CD163L1: variants seen among roughly 807,000 people sequenced by gnomAD.
The protein encoded by CD163L1 is scavenger receptor cysteine-rich type 1 protein M160.
In CD163L1, 124 loss-of-function variants were observed where a neutral mutation model predicts 165.4. The ratio of observed to expected loss-of-function variants is 0.75; its 90% CI spans 0.65 to 0.87. CD163L1 has a LOEUF of 0.87. Ranked by LOEUF, CD163L1 falls within the 40% of genes least tolerant of loss-of-function variation. The probability of loss-of-function intolerance (pLI) is 0.00; values close to 1 mark genes in which losing one functional copy is unlikely to be tolerated. For missense variants in CD163L1, 1,525 were observed against 1,799.9 expected (o/e 0.85, Z 2.76); for synonymous variants, 585 against 662.2 (o/e 0.88, Z 1.79).
Position 7,367,295 on chromosome 12 carries a change from A to G in CD163L1, c.4220T>C (p.Leu1407Ser), listed in dbSNP as rs370571541. Residue 1407 changes from leucine (L) to serine (S), a missense_variant, in exon 18 of 20, where the codon TTA becomes TCA. By Grantham distance (145) the Leu-to-Ser change is moderately radical (BLOSUM62 -2). Transcript: ENST00000313599. ...GAGGCAGGTCTCCATCTCATGGAATAAATTCTCCTCGAGAGAACCCCTCCT... is the reference window on the plus strand; with the variant it reads ...GAGGCAGGTCTCCATCTCATGGAATGAATTCTCCTCGAGAGAACCCCTCCT... ...TRRRGSLEEN[L>S]FHEMETCLKR... is the part of the protein sequence containing the mutation. 7 of 1,613,338 alleles carry G rather than the reference A, an allele frequency of 4.3e-6. No individual in the cohort carries two copies. Among genetic ancestry groups the G allele is most frequent in the Non-Finnish European group, 5.9e-6 (7 of 1,179,512 alleles).
chr12:7,433,509 C>T lies in CD163L1; in HGVS notation c.310G>A (p.Val104Met), dbSNP rs747089629. 1.9e-5 allele frequency: 30 copies of T among 1,614,006 alleles called. No homozygotes were observed. In the East Asian group the frequency reaches 2.0e-4, roughly 11 times the overall value. ...AGCCAAATTTTTCCATGTCTAGTCA[C>T]GGCTTGTCCAAAACGAAACATGGCG... Reference protein sequence around the residue: ...SFAMFRFGQAVTRHGKIWLDD... With the variant: ...SFAMFRFGQAMTRHGKIWLDD... The change falls in exon 3 of 20, where the codon GTG (valine) becomes ATG (methionine). Residue 104 changes from valine (V) to methionine (M), a missense_variant. Val to Met is a conservative substitution (Grantham distance 21). Transcript: ENST00000313599.
At chr12:7,399,296 CT>C (rs1947853237) in intron 6 of CD163L1, among the ~76,000 whole-genome samples, 1 of 104,618 alleles carries the variant, frequency 9.6e-6, no homozygotes, top group Non-Finnish European at 1.7e-5. Context: ...CCTTTTCTTT[CT>C]CTCCTTTCTT....
chr12:7,355,198 T>C (rs1403098245), intron 19 of CD163L1, 68 bp from the exon 20 acceptor site: 1 of 152,034 alleles, frequency 6.6e-6, no homozygotes, highest in East Asian at 1.9e-4. Context: ...CTACATGAGG[T>C]TAAAGTTAAG....
At chr12:7,442,100 T>C (rs1165981093) in intron 1 of CD163L1, among the ~76,000 whole-genome samples, 1 of 152,204 alleles carries the variant, frequency 6.6e-6, no homozygotes, top group Non-Finnish European at 1.5e-5. Context: ...GCAGATGGGA[T>C]GATTAATTCA....
At chr12:7,337,132 C>T in the CD163L1 span, among the ~76,000 whole-genome samples, 1 of 152,150 alleles carries the variant, frequency 6.6e-6, no homozygotes, top group Non-Finnish European at 1.5e-5. Flanking sequence ...GAAACAAAAA[C>T]TGGACCCCTT....
chr12:7,433,499 T>C lies in CD163L1; in HGVS notation c.320A>G (p.His107Arg), dbSNP rs775641168. 35 of 1,614,184 alleles carry C rather than the reference T, an allele frequency of 2.2e-5. 1 individual carries two copies. In the South Asian group the frequency reaches 3.8e-4, roughly 18 times the overall value. Residue 107 changes from histidine (H) to arginine (R), a missense_variant, in exon 3 of 20, where the codon CAT (histidine) becomes CGT (arginine). Transcript: ENST00000313599. Reference protein sequence around the residue: ...MFRFGQAVTRHGKIWLDDVSC... With the variant: ...MFRFGQAVTRRGKIWLDDVSC... Reference sequence around the variant, plus strand: ...AACATCATCAAGCCAAATTTTTCCATGTCTAGTCACGGCTTGTCCAAAACG... The same window carrying C: ...AACATCATCAAGCCAAATTTTTCCACGTCTAGTCACGGCTTGTCCAAAACG...
At chr12:7,409,881 T>TA (rs926927907) in intron 4 of CD163L1, among the ~76,000 whole-genome samples, 11 of 151,442 alleles carry the variant, frequency 7.3e-5, no homozygotes, top group Admixed American at 2.6e-4. Context: ...CTCTCAGAAA[T>TA]AAAAAAACTA....
chr12:7,326,221 G>GGCA, the CD163L1 span, among the ~76,000 whole-genome samples: 1 of 151,986 alleles, frequency 6.6e-6, no homozygotes, highest in Non-Finnish European at 1.5e-5. Context: ...TTGTTTTTTT[G>GGCA]AGATGGAGAC....
At chr12:7,371,794 T>C (rs1434832800) in intron 14 of CD163L1, among the ~76,000 whole-genome samples, 2 of 151,948 alleles carry the variant, frequency 1.3e-5, no homozygotes, top group Non-Finnish European at 2.9e-5. Context: ...AAAATATATA[T>C]GCTTTAGCTT....
At chr12:7,328,272 T>C in the CD163L1 span, 1 of 1,564,356 alleles carries the variant, frequency 6.4e-7, no homozygotes, top group East Asian at 2.3e-5. Flanking sequence ...CATCACGTTT[T>C]TTTCTGTCAA....
At chr12:7,431,552 G>A (rs2136629462) in intron 4 of CD163L1, among the ~76,000 whole-genome samples, 1 of 148,414 alleles carries the variant, frequency 6.7e-6, no homozygotes, top group African/African-American at 2.5e-5. Context: ...TCCCCTAGTT[G>A]AACAACGAGA....
chr12:7,362,330 T>C (rs950489403), intron 18 of CD163L1, among the ~76,000 whole-genome samples: 67 of 138,880 alleles, frequency 4.8e-4, no homozygotes, highest in Admixed American at 1.9e-3. Context: ...TTATATAAAA[T>C]AAAATATGAA....
the CD163L1 span, among the ~76,000 whole-genome samples, chr12:7,320,113 A>G: frequency 0.2 from 30,583 of 152,138 alleles, 3,462 homozygotes; most frequent in African/African-American, 0.3. Context: ...ATTAAGGGAC[A>G]TAGTGGAACT....
At chr12:7,367,973 T>C in intron 17 of CD163L1, 114 bp downstream of exon 17, 1 of 684,726 alleles carries the variant, frequency 1.5e-6, no homozygotes. Flanking sequence ...CACTTTCCAA[T>C]CCATCTCACT....
At chr12:7,332,328 G>T in the CD163L1 span, among the ~76,000 whole-genome samples, 22 of 152,140 alleles carry the variant, frequency 1.4e-4, no homozygotes, top group African/African-American at 5.3e-4. Context: ...GAAAGTGACG[G>T]GGAGAATGGA....
intron 4 of CD163L1, among the ~76,000 whole-genome samples, chr12:7,421,157 GTA>G (rs1329938009): frequency 1.7e-4 from 22 of 128,204 alleles, no homozygotes; most frequent in Admixed American, 5.2e-4. Flanking sequence ...GTGTATAAAT[GTA>G]TATATATGTA....
rs201682337 is a variant in CD163L1, at chr12:7,407,828, T to C, written c.767-976A>G. On this transcript the variant is annotated intron_variant, in intron 4 of 19. Coordinates refer to ENST00000313599, the MANE Select transcript of CD163L1 (RefSeq NM_174941.6). ...ACACAGACACACACACACACACACA[T>C]ACACACACAAAATCACCTCACCTTA... Among the ~76,000 whole-genome samples the C allele has an allele frequency of 5.5e-3, 805 of 146,052 alleles. 7 individuals carry two copies. The highest frequency in any genetic ancestry group is 0.017 in the African/African-American group (682 of 39,698).
intron 4 of CD163L1, among the ~76,000 whole-genome samples, chr12:7,425,211 A>G (rs1194873741): frequency 4.6e-5 from 7 of 152,216 alleles, no homozygotes; most frequent in African/African-American, 1.7e-4. Context: ...CTTGATAAAC[A>G]TGACAAAAAC....
At chr12:7,427,047 A>T (rs1179638551) in intron 4 of CD163L1, among the ~76,000 whole-genome samples, 1 of 152,156 alleles carries the variant, frequency 6.6e-6, no homozygotes, top group Non-Finnish European at 1.5e-5. Flanking sequence ...AAGCACCTAA[A>T]CATATAAAGC....
Sources: gnomAD v4.1 joint callset for allele counts (sites outside exome capture counted in the v4.1 genomes callset) on GRCh38, gnomAD v4.1.1 for gene constraint, MANE v1.5 for transcripts, NCBI Gene and HGNC (gene_info 2026-07-23, HGNC 2026-07-21) for gene names.